TRAF3IP1: variants seen among roughly 807,000 people sequenced by gnomAD.
The protein encoded by TRAF3IP1 is TRAF3-interacting protein 1.
In TRAF3IP1, 53 loss-of-function variants were observed where a neutral mutation model predicts 89.9. That is an observed-to-expected ratio of 0.59 (90% CI 0.47 to 0.74). The LOEUF (loss-of-function observed/expected upper bound fraction) is 0.74, where lower values mean the gene tolerates loss of function less well. Ranked by LOEUF, TRAF3IP1 falls within the 30% of genes least tolerant of loss-of-function variation. The pLI, the probability that TRAF3IP1 is intolerant of heterozygous loss-of-function variation, is 0.00. For missense variants in TRAF3IP1, 806 were observed against 866.1 expected (o/e 0.93, Z 0.87); for synonymous variants, 311 against 322.1 (o/e 0.97, Z 0.37).
chr2:238,367,292 G>A (rs1699925306), intron 15 of TRAF3IP1, among the ~76,000 whole-genome samples: 1 of 151,848 alleles, frequency 6.6e-6, no homozygotes, highest in Non-Finnish European at 1.5e-5. Flanking sequence ...TATCTGGAGA[G>A]CAGTAAGTAG....
chr2:238,327,161 C>G (rs1245682349), intron 3 of TRAF3IP1, among the ~76,000 whole-genome samples: 1 of 152,212 alleles, frequency 6.6e-6, no homozygotes, highest in Admixed American at 6.5e-5. Context: ...TGCATTCGGC[C>G]CTGGCCGGCT....
chr2:238,335,698 G>A (rs1342936885), intron 7 of TRAF3IP1, among the ~76,000 whole-genome samples: 1 of 152,082 alleles, frequency 6.6e-6, no homozygotes, highest in African/African-American at 2.4e-5. Context: ...CCTCTTCTGA[G>A]AACACGTTGC....
chr2:238,334,260 C>T (rs1377995797), intron 7 of TRAF3IP1, among the ~76,000 whole-genome samples: 2 of 152,184 alleles, frequency 1.3e-5, no homozygotes, highest in Non-Finnish European at 2.9e-5. Flanking sequence ...AGTAGCCCCT[C>T]TTTGCTGGAG....
chr2:238,326,741 G>A (rs1003981711), intron 3 of TRAF3IP1, among the ~76,000 whole-genome samples: 4 of 152,098 alleles, frequency 2.6e-5, no homozygotes, highest in Non-Finnish European at 5.9e-5. Flanking sequence ...TTGGCTGGGG[G>A]CTAACCTTAA....
At chr2:238,358,596 G>T (rs1207396759) in intron 15 of TRAF3IP1, among the ~76,000 whole-genome samples, 1 of 152,196 alleles carries the variant, frequency 6.6e-6, no homozygotes, top group African/African-American at 2.4e-5. Context: ...GTTCCCCCGA[G>T]GGCAGTCCCC....
chr2:238,365,963 C>T (rs988795298), intron 15 of TRAF3IP1, among the ~76,000 whole-genome samples: 11 of 151,994 alleles, frequency 7.2e-5, no homozygotes, highest in South Asian at 4.2e-4. Context: ...AATCAGACAC[C>T]GGCTGGGCGC....
chr2:238,344,731 A>G (rs1427273623), intron 9 of TRAF3IP1, 133 bp downstream of exon 9: 1 of 767,992 alleles, frequency 1.3e-6, no homozygotes, highest in South Asian at 1.4e-5. Flanking sequence ...ATTCACAGTG[A>G]TTCACTTCTG....
chr2:238,328,598 AGCTATCTTT>A, intron 3 of TRAF3IP1, 79 bp from the exon 4 acceptor site: 2 of 1,446,630 alleles, frequency 1.4e-6, no homozygotes, highest in Non-Finnish European at 1.9e-6. Flanking sequence ...CTGTCTCATG[AGCTATCTTT>A]GAATGGCGAT....
chr2:238,338,903 G>A (rs1332468541), intron 8 of TRAF3IP1, among the ~76,000 whole-genome samples: 8 of 152,222 alleles, frequency 5.3e-5, no homozygotes, highest in Non-Finnish European at 7.4e-5. Context: ...CAGTCCAGCC[G>A]TGTGGTGGGT....
rs1023056477 is a variant in TRAF3IP1 at position 238,400,842 on chromosome 2, A to G, written c.*1923A>G. ...GAAGTAGTCTGTCAAATTGTATCATAAAGTTTATTTTTCTTTTATACGTAA... is the reference window on the plus strand; with the variant it reads ...GAAGTAGTCTGTCAAATTGTATCATGAAGTTTATTTTTCTTTTATACGTAA... On this transcript the variant is annotated 3_prime_UTR_variant, in exon 17 of 17. Coordinates refer to ENST00000373327, the MANE Select transcript of TRAF3IP1 (RefSeq NM_015650.4). 3 of 152,246 alleles carry G rather than the reference A, an allele frequency of 2.0e-5. No homozygotes were observed. The highest frequency in any genetic ancestry group is 6.5e-5 in the Admixed American group (1 of 15,278). 9.4% of individuals were successfully genotyped at this position (152,246 alleles called of 1,614,324 possible).
At chr2:238,357,241 C>A (rs1310619913) in intron 15 of TRAF3IP1, among the ~76,000 whole-genome samples, 1 of 152,194 alleles carries the variant, frequency 6.6e-6, no homozygotes, top group African/African-American at 2.4e-5. Context: ...ACCTGTGGGC[C>A]AACAGGGTGT....
chr2:238,325,631 G>T (rs991352922), intron 2 of TRAF3IP1, among the ~76,000 whole-genome samples, 178 bp from the exon 3 acceptor site: 3 of 152,162 alleles, frequency 2.0e-5, no homozygotes, highest in Non-Finnish European at 2.9e-5. Context: ...CTAAATTAAA[G>T]GCTTTAATGA....
intron 15 of TRAF3IP1, among the ~76,000 whole-genome samples, chr2:238,389,794 G>A (rs11689756): frequency 0.22 from 31,775 of 143,170 alleles, 4,045 homozygotes; most frequent in South Asian, 0.28. Flanking sequence ...TAATTCTCTT[G>A]AAGGATTGCA....
intron 9 of TRAF3IP1, 112 bp downstream of exon 9, chr2:238,344,710 C>T (rs757259436): frequency 1.1e-5 from 10 of 872,344 alleles, no homozygotes; most frequent in East Asian, 5.1e-5. Context: ...TGGGTCTGAA[C>T]GTGGCAAGTG....
rs2106351343 is a variant in TRAF3IP1 at position 238,320,549 on chromosome 2, C to T, written c.-114C>T. On this transcript the variant is annotated 5_prime_UTR_variant, in exon 1 of 17. Coordinates refer to ENST00000373327, the MANE Select transcript of TRAF3IP1 (RefSeq NM_015650.4). ...TGGGATGGAAACCGGAGCGGCGCGT[C>T]CTGGCAGGACCGGGCGGCGGCGGCG... 8 of 1,028,346 alleles carry T rather than the reference C, an allele frequency of 7.8e-6. No individual in the cohort carries two copies. Among genetic ancestry groups the T allele is most frequent in the South Asian group, 4.4e-5 (1 of 22,592 alleles). The allele number at this position is 1,028,346 out of a possible 1,614,324, so 63.7% of individuals were successfully genotyped here.
rs1036412674 is a variant in TRAF3IP1, at chr2:238,367,638, G to A, written c.1689+11558G>A. 2.6e-5 allele frequency among the ~76,000 whole-genome samples: 4 copies of A among 151,942 alleles called. No homozygotes were observed. In the East Asian group the frequency reaches 5.8e-4, roughly 22 times the overall value. On this transcript the variant is annotated intron_variant, in intron 15 of 16. Coordinates refer to ENST00000373327, the MANE Select transcript of TRAF3IP1 (RefSeq NM_015650.4). ...ACACGGGAGAGACCGCGGTGGGACCGAGAGCCTGCGCCACCGAGCCCTCTC... is the reference window on the plus strand; with the variant it reads ...ACACGGGAGAGACCGCGGTGGGACCAAGAGCCTGCGCCACCGAGCCCTCTC...
chr2:238,383,933 T>A (rs1269524311), intron 15 of TRAF3IP1, among the ~76,000 whole-genome samples: 1 of 152,236 alleles, frequency 6.6e-6, no homozygotes, highest in East Asian at 1.9e-4. Flanking sequence ...TTGCTCCTTG[T>A]TTCACATATC....
chr2:238,322,661 C>G (rs1273961247), intron 1 of TRAF3IP1, among the ~76,000 whole-genome samples: 2 of 121,540 alleles, frequency 1.6e-5, no homozygotes, highest in Non-Finnish European at 3.2e-5. Context: ...GCACTCTAGC[C>G]TGGGTGACAG....
chr2:238,346,050 C>G (rs141015123), intron 9 of TRAF3IP1, among the ~76,000 whole-genome samples: 1 of 152,124 alleles, frequency 6.6e-6, no homozygotes, highest in African/African-American at 2.4e-5. Context: ...AATCCAGGGT[C>G]TGTTCCTAAC....
Sources: allele counts gnomAD v4.1 joint callset (sites outside exome capture counted in the v4.1 genomes callset), GRCh38; gene constraint gnomAD v4.1.1; transcripts MANE v1.5; gene names NCBI Gene and HGNC (gene_info 2026-07-23, HGNC 2026-07-21).